The following LRFN5 variants were observed in gnomAD, a reference collection of about 807,000 sequenced individuals.
The protein encoded by LRFN5 is leucine-rich repeat and fibronectin type-III domain-containing protein 5.
Under a neutral mutation model 45.6 loss-of-function variants are expected in LRFN5, and 24 were observed. That is an observed-to-expected ratio of 0.53 (90% CI 0.38 to 0.74). LRFN5 has a LOEUF of 0.74. Among genes scored for constraint, LRFN5 ranks in the 30% least tolerant of loss-of-function variants. The pLI is 0.00. For missense variants in LRFN5, 776 were observed against 861.5 expected (o/e 0.90, Z 1.24); for synonymous variants, 340 against 313.8 (o/e 1.08, Z -0.88).
chr14:41,896,235 T>C (rs78862211), intron 4 of LRFN5, among the ~76,000 whole-genome samples: 1,852 of 152,256 alleles, frequency 0.012, 12 homozygotes, highest in Non-Finnish European at 0.017. Context: ...TGAAGCAAAT[T>C]AGACATTTCT....
rs570918816 is a variant in LRFN5, at chr14:41,608,833, A to C, written c.-197+271A>C. ...TATTTTTTGAGAGCTAGGCGTGTGGAACCTGTCTGAAGATGCCAGAGATCA... is the reference window on the plus strand; with the variant it reads ...TATTTTTTGAGAGCTAGGCGTGTGGCACCTGTCTGAAGATGCCAGAGATCA... On this transcript the variant is annotated intron_variant, in intron 1 of 5. Coordinates refer to ENST00000298119, the MANE Select transcript of LRFN5 (RefSeq NM_152447.5). Among the ~76,000 whole-genome samples the C allele has an allele frequency of 2.6e-5, 4 of 152,310 alleles. No homozygotes were observed. In the South Asian group the frequency reaches 8.3e-4, roughly 32 times the overall value.
At chr14:41,608,935 G>C (rs904276031) in intron 1 of LRFN5, among the ~76,000 whole-genome samples, 1 of 152,198 alleles carries the variant, frequency 6.6e-6, no homozygotes, top group African/African-American at 2.4e-5. Context: ...TGAAGTGTGA[G>C]TGGGTGTTTG....
At chr14:41,729,046 CAAT>C (rs1196874850) in intron 1 of LRFN5, among the ~76,000 whole-genome samples, 1 of 152,154 alleles carries the variant, frequency 6.6e-6, no homozygotes, top group African/African-American at 2.4e-5. Context: ...AGGTTTCCAA[CAAT>C]GAGCTCAGTT....
At chr14:41,780,481 A>T (rs562017553) in intron 2 of LRFN5, among the ~76,000 whole-genome samples, 2 of 152,150 alleles carry the variant, frequency 1.3e-5, no homozygotes, top group South Asian at 4.1e-4. Context: ...GCTTTGTCTG[A>T]AATTGATATA....
intron 3 of LRFN5, among the ~76,000 whole-genome samples, chr14:41,888,228 T>C (rs1890649718): frequency 6.6e-6 from 1 of 152,136 alleles, no homozygotes; most frequent in Non-Finnish European, 1.5e-5. Context: ...ATATTATGCT[T>C]ACTTACTTTT....
chr14:41,635,961 C>T (rs367597032), intron 1 of LRFN5, among the ~76,000 whole-genome samples: 1 of 152,110 alleles, frequency 6.6e-6, no homozygotes, highest in African/African-American at 2.4e-5. Flanking sequence ...AGGATTGGAA[C>T]ATTCTAGTCA....
At chr14:41,650,408 A>G (rs1037457421) in intron 1 of LRFN5, among the ~76,000 whole-genome samples, 1 of 152,156 alleles carries the variant, frequency 6.6e-6, no homozygotes, top group Non-Finnish European at 1.5e-5. Context: ...TCAATATGTA[A>G]TAGGTGAAAT....
At chr14:41,890,883 G>A (rs937827704) in intron 3 of LRFN5, among the ~76,000 whole-genome samples, 10 of 152,118 alleles carry the variant, frequency 6.6e-5, no homozygotes, top group African/African-American at 2.2e-4. Flanking sequence ...TTTAGTCATA[G>A]AGGTATTGTA....
At chr14:41,762,375 T>C (rs937743627) in intron 1 of LRFN5, among the ~76,000 whole-genome samples, 4 of 152,144 alleles carry the variant, frequency 2.6e-5, no homozygotes, top group Non-Finnish European at 1.5e-5. Flanking sequence ...TAGCAGTGTA[T>C]TAATTTATTT....
intron 1 of LRFN5, among the ~76,000 whole-genome samples, chr14:41,717,798 T>C (rs1033264494): frequency 2.0e-5 from 3 of 152,132 alleles, no homozygotes; most frequent in Non-Finnish European, 2.9e-5. Flanking sequence ...GTCCTACAAA[T>C]TTCCCCAAAA....
intron 1 of LRFN5, among the ~76,000 whole-genome samples, chr14:41,650,364 A>T (rs987501273): frequency 1.3e-5 from 2 of 152,090 alleles, no homozygotes; most frequent in Non-Finnish European, 2.9e-5. Flanking sequence ...ACCAATGAGG[A>T]TATGGTGATT....
chr14:41,739,128 A>G (rs531480789), intron 1 of LRFN5, among the ~76,000 whole-genome samples: 5 of 152,260 alleles, frequency 3.3e-5, no homozygotes, highest in Admixed American at 3.3e-4. Flanking sequence ...AGCTCATTCC[A>G]TAATCCCAGC....
chr14:41,620,883 A>C (rs1238433866), intron 1 of LRFN5, among the ~76,000 whole-genome samples: 2 of 152,020 alleles, frequency 1.3e-5, no homozygotes, highest in African/African-American at 4.8e-5. Context: ...ATTTAAAACC[A>C]AGATAGGAAA....
chr14:41,637,980 C>T (rs766995789), intron 1 of LRFN5, among the ~76,000 whole-genome samples: 1 of 152,086 alleles, frequency 6.6e-6, no homozygotes, highest in Non-Finnish European at 1.5e-5. Flanking sequence ...TAAAAACATT[C>T]TCTTATTTCC....
intron 1 of LRFN5, among the ~76,000 whole-genome samples, chr14:41,740,786 A>G (rs1271406345): frequency 6.6e-6 from 1 of 152,038 alleles, no homozygotes; most frequent in Non-Finnish European, 1.5e-5. Flanking sequence ...TGAAATTGGC[A>G]TCAGGTTTGC....
At chr14:41,724,803 T>A (rs1051178742) in intron 1 of LRFN5, among the ~76,000 whole-genome samples, 3 of 152,200 alleles carry the variant, frequency 2.0e-5, no homozygotes, top group Non-Finnish European at 4.4e-5. Context: ...ATCATGTCAG[T>A]TCTTCATTCA....
chr14:41,813,566 T>C, intron 2 of LRFN5, among the ~76,000 whole-genome samples: 1 of 152,220 alleles, frequency 6.6e-6, no homozygotes. Flanking sequence ...GGTGTATATG[T>C]GCCACATTTT....
At chr14:41,771,318 A>C (rs956006219) in intron 2 of LRFN5, among the ~76,000 whole-genome samples, 3 of 151,786 alleles carry the variant, frequency 2.0e-5, no homozygotes, top group Non-Finnish European at 4.4e-5. Context: ...ATATTAGCTC[A>C]TGGCGTCCTT....
At chr14:41,717,416 A>G (rs1012262519) in intron 1 of LRFN5, among the ~76,000 whole-genome samples, 2 of 152,236 alleles carry the variant, frequency 1.3e-5, no homozygotes, top group Non-Finnish European at 2.9e-5. Context: ...ATGTCTTGCT[A>G]GATGTAAACA....
Sources: allele counts gnomAD v4.1 joint callset (sites outside exome capture counted in the v4.1 genomes callset), GRCh38; gene constraint gnomAD v4.1.1; transcripts MANE v1.5; gene names NCBI Gene and HGNC (gene_info 2026-07-23, HGNC 2026-07-21).